ASTN2: variants seen among roughly 807,000 people sequenced by gnomAD.
ASTN2 encodes astrotactin 2.
A neutral mutation model predicts 139.8 loss-of-function variants in ASTN2; 54 were observed. The ratio of observed to expected loss-of-function variants is 0.39; its 90% CI spans 0.31 to 0.48. ASTN2 has a LOEUF of 0.48. Ranked by LOEUF, ASTN2 falls within the 20% of genes least tolerant of loss-of-function variation. ASTN2 has a pLI of 0.95. For synonymous variants in ASTN2, 756 were observed against 719.5 expected (o/e 1.05, Z -0.81); for missense variants, 1,565 against 1,725.1 (o/e 0.91, Z 1.64).
chr9:117,295,531 T>A lies in ASTN2; in HGVS notation c.443-4018A>T, dbSNP rs1587921366. On this transcript the variant is annotated intron_variant, in intron 1 of 22. Transcript: ENST00000313400. ...ATAATTACTGAATCACTGAGTTACA[T>A]ACATATATGTATATATATTTCAAAT... 4.6e-5 allele frequency among the ~76,000 whole-genome samples: 7 copies of A among 152,206 alleles called. No individual in the cohort carries two copies. The South Asian group carries it at 1.5e-3, about 32-fold the overall frequency.
intron 1 of ASTN2, among the ~76,000 whole-genome samples, chr9:117,396,812 C>T (rs143498583): frequency 0.027 from 4,116 of 152,144 alleles, 88 homozygotes; most frequent in Middle Eastern, 0.052. Flanking sequence ...GTGATCTGCC[C>T]GTCTTGGTCT....
At chr9:116,530,677 T>A (rs879867752) in intron 19 of ASTN2, among the ~76,000 whole-genome samples, 6 of 152,146 alleles carry the variant, frequency 3.9e-5, no homozygotes, top group Non-Finnish European at 8.8e-5. Context: ...ATAAAATGAA[T>A]GAGCCAAACA....
intron 11 of ASTN2, among the ~76,000 whole-genome samples, chr9:116,851,844 G>A (rs1211898607): frequency 6.6e-6 from 1 of 152,116 alleles, no homozygotes; most frequent in African/African-American, 2.4e-5. Context: ...GTTGAGGGGT[G>A]CCAAATCCCA....
rs149139670 is a variant in ASTN2, at chr9:117,324,623, G to T, written c.443-33110C>A. 8.4e-3 allele frequency among the ~76,000 whole-genome samples: 1,282 copies of T among 152,302 alleles called. 16 individuals carry two copies. The highest frequency in any genetic ancestry group is 0.029 in the African/African-American group (1,210 of 41,564). Reference sequence around the variant, plus strand: ...TTATGGGGATTACAATTCAAGATGAGATTTGGGTGGGGACACAGACAAACC... The same window carrying T: ...TTATGGGGATTACAATTCAAGATGATATTTGGGTGGGGACACAGACAAACC... On this transcript the variant is annotated intron_variant, in intron 1 of 22. Coordinates refer to ENST00000313400, the MANE Select transcript of ASTN2 (RefSeq NM_001365068.1).
At chr9:117,007,398 C>A (rs1049068294) in intron 7 of ASTN2, among the ~76,000 whole-genome samples, 1 of 152,146 alleles carries the variant, frequency 6.6e-6, no homozygotes, top group African/African-American at 2.4e-5. Context: ...AACAATGTAG[C>A]TGCTAGTGTG....
chr9:116,799,426 C>T (rs1342577623), intron 13 of ASTN2, among the ~76,000 whole-genome samples: 1 of 152,140 alleles, frequency 6.6e-6, no homozygotes, highest in Non-Finnish European at 1.5e-5. Flanking sequence ...TAATAAATCT[C>T]TCATGAGCTC....
intron 21 of ASTN2, 68 bp downstream of exon 21, chr9:116,442,385 G>T: frequency 2.5e-6 from 3 of 1,214,882 alleles, no homozygotes; most frequent in South Asian, 1.2e-5. Flanking sequence ...AATGATTAGT[G>T]ACTGTTGGGT....
intron 3 of ASTN2, among the ~76,000 whole-genome samples, chr9:117,213,283 G>A (rs1348508006): frequency 1.3e-5 from 2 of 152,060 alleles, no homozygotes; most frequent in Non-Finnish European, 2.9e-5. Flanking sequence ...AGGATACAGA[G>A]GATATTAGAA....
chr9:116,500,422 G>A (rs980707882), intron 19 of ASTN2, among the ~76,000 whole-genome samples: 2 of 152,222 alleles, frequency 1.3e-5, no homozygotes, highest in African/African-American at 4.8e-5. Context: ...CCGTGCTGCT[G>A]TAGCTATAGC....
chr9:116,882,930 C>T (rs1040726969), intron 10 of ASTN2, among the ~76,000 whole-genome samples: 5 of 152,046 alleles, frequency 3.3e-5, no homozygotes, highest in African/African-American at 7.2e-5. Flanking sequence ...ATGCTATTTT[C>T]GTATTCCACT....
chr9:116,663,839 T>C (rs981420237), intron 16 of ASTN2, among the ~76,000 whole-genome samples: 1 of 152,192 alleles, frequency 6.6e-6, no homozygotes, highest in African/African-American at 2.4e-5. Context: ...TATTGCTTTT[T>C]AAAGATGAGT....
At chr9:117,400,015 T>C (rs1364477738) in intron 1 of ASTN2, among the ~76,000 whole-genome samples, 1 of 152,240 alleles carries the variant, frequency 6.6e-6, no homozygotes. Context: ...GTATCTACTA[T>C]ATGATGGACA....
chr9:117,370,053 C>T (rs1399754047), intron 1 of ASTN2, among the ~76,000 whole-genome samples: 1 of 148,642 alleles, frequency 6.7e-6, no homozygotes, highest in Non-Finnish European at 1.5e-5. Context: ...CACCTCCCTC[C>T]ACACTGCCAC....
At chr9:117,373,537 C>T (rs1384355274) in intron 1 of ASTN2, among the ~76,000 whole-genome samples, 1 of 152,136 alleles carries the variant, frequency 6.6e-6, no homozygotes, top group African/African-American at 2.4e-5. Context: ...ATGTGAGGAA[C>T]ATCCATTCAG....
At chr9:117,170,513 A>G (rs188822502) in intron 3 of ASTN2, among the ~76,000 whole-genome samples, 5 of 152,326 alleles carry the variant, frequency 3.3e-5, no homozygotes, top group Admixed American at 6.5e-5. Flanking sequence ...AACTGCATCA[A>G]TAAGTAAAAT....
rs148091465 is a variant in ASTN2 at position 116,636,177 on chromosome 9, G to C, written c.3072+15351C>G. Among the ~76,000 whole-genome samples, 988 of 152,222 alleles carry C rather than the reference G, an allele frequency of 6.5e-3. 14 individuals are homozygous for C. Among genetic ancestry groups the C allele is most frequent in the African/African-American group, 0.022 (934 of 41,534 alleles). On this transcript the variant is annotated intron_variant, in intron 17 of 22. Coordinates refer to ENST00000313400, the MANE Select transcript of ASTN2 (RefSeq NM_001365068.1). ...AATACTGATACTTCTCCTTCTGAGC[G>C]TCAGTCTCCTTTAGCCACTCAAAAG... is the stretch of plus-strand genomic sequence containing the variant.
At chr9:116,469,834 T>C (rs1308220326) in intron 20 of ASTN2, among the ~76,000 whole-genome samples, 1 of 152,152 alleles carries the variant, frequency 6.6e-6, no homozygotes, top group African/African-American at 2.4e-5. Flanking sequence ...TTGTAATGTT[T>C]GATAATTGCA....
intron 1 of ASTN2, among the ~76,000 whole-genome samples, chr9:117,347,230 T>C (rs4240415): frequency 0.86 from 130,539 of 151,972 alleles, 56,291 homozygotes; most frequent in East Asian, 1. Flanking sequence ...CTACAATGAC[T>C]AATGGACTTT....
intron 10 of ASTN2, among the ~76,000 whole-genome samples, chr9:116,955,351 G>T (rs1243993492): frequency 2.0e-5 from 3 of 152,178 alleles, no homozygotes; most frequent in Non-Finnish European, 4.4e-5. Context: ...AGTCCCAGAT[G>T]GACTGGTATG....
Sources: allele counts gnomAD v4.1 joint callset (sites outside exome capture counted in the v4.1 genomes callset), GRCh38; gene constraint gnomAD v4.1.1; transcripts MANE v1.5; gene names NCBI Gene and HGNC (gene_info 2026-07-23, HGNC 2026-07-21).